Variants in CEP128 observed in about 807,000 individuals in gnomAD.
The protein encoded by CEP128 is centrosomal protein 128, also known as centrosomal protein 128kDa.
Under a neutral mutation model 156.7 loss-of-function variants are expected in CEP128, and 132 were observed. The observed-to-expected ratio is 0.84, with a 90% confidence interval of 0.73 to 0.97. The LOEUF is 0.97. Ranked by LOEUF, CEP128 falls within the 50% of genes least tolerant of loss-of-function variation. The pLI is 0.00. For missense variants in CEP128, 1,252 were observed against 1,281.9 expected (o/e 0.98, Z 0.36); for synonymous variants, 469 against 448.9 (o/e 1.04, Z -0.57).
At chr14:80,817,228 A>C (rs1884914234) in intron 13 of CEP128, among the ~76,000 whole-genome samples, 1 of 152,226 alleles carries the variant, frequency 6.6e-6, no homozygotes, top group South Asian at 2.1e-4. Context: ...TACTAAAAAA[A>C]ACCCAAGACA....
intron 24 of CEP128, among the ~76,000 whole-genome samples, chr14:80,502,491 T>C (rs1047631548): frequency 2.6e-5 from 4 of 152,172 alleles, no homozygotes; most frequent in Non-Finnish European, 5.9e-5. Flanking sequence ...AAAAATTTTA[T>C]CTTTTCTCTC....
intron 19 of CEP128, among the ~76,000 whole-genome samples, chr14:80,703,553 C>A (rs1897142090): frequency 6.6e-6 from 1 of 151,720 alleles, no homozygotes; most frequent in Non-Finnish European, 1.5e-5. Context: ...TGTTTCCTAT[C>A]TGATTTTCTT....
upstream of CEP128, among the ~76,000 whole-genome samples, chr14:80,944,516 G>GT (rs199609099): frequency 5.3e-3 from 814 of 152,268 alleles, 9 homozygotes; most frequent in African/African-American, 0.019. Context: ...ATGCAGAACT[G>GT]TAAGTCAATC....
chr14:80,937,300 G>A (rs1184565791), intron 2 of CEP128, among the ~76,000 whole-genome samples: 2 of 152,200 alleles, frequency 1.3e-5, no homozygotes, highest in East Asian at 1.9e-4. Flanking sequence ...CAGCCTGGGT[G>A]ACAGAGTGAG....
chr14:80,944,474 A>G (rs1164684812), upstream of CEP128, among the ~76,000 whole-genome samples: 6 of 152,176 alleles, frequency 3.9e-5, no homozygotes, highest in Non-Finnish European at 8.8e-5. Flanking sequence ...CCCTTCTGCC[A>G]TGATTGTAAG....
At chr14:80,563,625 T>TTGGATTTAAGTGATTCTCCTGTC (rs796640723) in intron 20 of CEP128, among the ~76,000 whole-genome samples, 9 of 145,864 alleles carry the variant, frequency 6.2e-5, no homozygotes, top group African/African-American at 2.3e-4. Flanking sequence ...CCTCCACCTC[T>TTGGATTTAAGTGATTCTCCTGTC]TGGATTTAAG....
chr14:80,652,365 C>T (rs1894945133), intron 19 of CEP128, among the ~76,000 whole-genome samples: 1 of 152,072 alleles, frequency 6.6e-6, no homozygotes, highest in Non-Finnish European at 1.5e-5. Context: ...AACTAAAGAG[C>T]TTCTGCACAG....
intron 2 of CEP128, among the ~76,000 whole-genome samples, chr14:80,932,123 C>T (rs568344429): frequency 2.4e-4 from 37 of 152,334 alleles, no homozygotes; most frequent in African/African-American, 8.7e-4. Flanking sequence ...CTCCTGATGC[C>T]ATGTGAAGAA....
intron 19 of CEP128, among the ~76,000 whole-genome samples, chr14:80,622,287 CCCTG>C (rs1425890748): frequency 5.9e-5 from 9 of 152,034 alleles, no homozygotes; most frequent in African/African-American, 2.2e-4. Context: ...CTGTCCTCTC[CCCTG>C]CCAGCCTCCT....
intron 19 of CEP128, among the ~76,000 whole-genome samples, chr14:80,615,967 CTG>C (rs1295872497): frequency 3.3e-5 from 5 of 152,196 alleles, no homozygotes; most frequent in African/African-American, 9.6e-5. Context: ...TCAGCACAGT[CTG>C]TGGCCTGGGA....
intron 19 of CEP128, among the ~76,000 whole-genome samples, chr14:80,688,432 G>A (rs941527099): frequency 6.6e-6 from 1 of 152,070 alleles, no homozygotes; most frequent in Non-Finnish European, 1.5e-5. Context: ...AGCCTATTCC[G>A]TGTCCATGTA....
At chr14:80,845,331 T>C (rs1242881034) in intron 9 of CEP128, among the ~76,000 whole-genome samples, 1 of 152,190 alleles carries the variant, frequency 6.6e-6, no homozygotes, top group African/African-American at 2.4e-5. Context: ...TTTTATGCAA[T>C]CTTTTACTTA....
intron 19 of CEP128, among the ~76,000 whole-genome samples, chr14:80,598,571 A>G (rs1301174979): frequency 6.6e-6 from 1 of 152,156 alleles, no homozygotes; most frequent in Non-Finnish European, 1.5e-5. Flanking sequence ...GTTCCATACA[A>G]TTTCTATCAA....
intron 2 of CEP128, among the ~76,000 whole-genome samples, chr14:80,934,298 T>A (rs1208403873): frequency 6.6e-6 from 1 of 152,192 alleles, no homozygotes; most frequent in Non-Finnish European, 1.5e-5. Flanking sequence ...GTCTAAGAAC[T>A]CAAAGACCAT....
At chr14:80,717,015 A>G (rs1348901796) in intron 19 of CEP128, among the ~76,000 whole-genome samples, 5 of 152,074 alleles carry the variant, frequency 3.3e-5, no homozygotes, top group Admixed American at 6.5e-5. Flanking sequence ...GCCATTTTAC[A>G]TCTACTATGG....
chr14:80,630,272 C>A (rs1273286150), intron 19 of CEP128, among the ~76,000 whole-genome samples: 1 of 151,924 alleles, frequency 6.6e-6, no homozygotes, highest in Non-Finnish European at 1.5e-5. Context: ...AGTCTATAAA[C>A]TCAAAGCAAT....
At chr14:80,867,545 A>G (rs547826034) in intron 8 of CEP128, among the ~76,000 whole-genome samples, 5 of 152,290 alleles carry the variant, frequency 3.3e-5, no homozygotes, top group Admixed American at 2.0e-4. Flanking sequence ...CAAAAAGAAC[A>G]AAACAGAAAT....
At chr14:80,951,394 A>G (rs1190207060) in intron 2 of CEP128, among the ~76,000 whole-genome samples, 3 of 152,160 alleles carry the variant, frequency 2.0e-5, no homozygotes, top group African/African-American at 7.2e-5. Context: ...CAACAAGTAC[A>G]GTGTTGAAGG....
At chr14:80,892,193 T>C (rs1889134449) in intron 8 of CEP128, among the ~76,000 whole-genome samples, 1 of 151,962 alleles carries the variant, frequency 6.6e-6, no homozygotes, top group Non-Finnish European at 1.5e-5. Context: ...AACAGTGTGG[T>C]ACTGGCATAA....
Sources: gnomAD v4.1 joint callset for allele counts (sites outside exome capture counted in the v4.1 genomes callset) on GRCh38, gnomAD v4.1.1 for gene constraint, MANE v1.5 for transcripts, NCBI Gene and HGNC (gene_info 2026-07-23, HGNC 2026-07-21) for gene names.